NAT1: variants seen among roughly 807,000 people sequenced by gnomAD.
NAT1 encodes N-acetyltransferase 1, also known as arylamine N-acetyltransferase 1.
For missense variants in NAT1, 400 were observed against 339.2 expected (o/e 1.18, Z -1.41); for synonymous variants, 144 against 122.6 (o/e 1.17, Z -1.16).
At chr8:18,194,802 G>C (rs1803166616) in intron 2 of NAT1, among the ~76,000 whole-genome samples, 1 of 144,412 alleles carries the variant, frequency 6.9e-6, no homozygotes, top group Non-Finnish European at 1.5e-5. Context: ...CTGGGCAACA[G>C]AGTGAGACTC....
intron 2 of NAT1, among the ~76,000 whole-genome samples, chr8:18,177,245 C>T (rs559781975): frequency 2.0e-5 from 3 of 152,032 alleles, no homozygotes; most frequent in Admixed American, 6.6e-5. Context: ...CCTCTTTTAC[C>T]TATCCCACTA....
In NAT1 at chr8:18,200,102, G is replaced by C. The variant is rs147898790; in HGVS notation, n.93-9679G>C. Among the ~76,000 whole-genome samples, 73 of 152,318 alleles carry C rather than the reference G, an allele frequency of 4.8e-4. No homozygotes were observed. The East Asian group carries it at 0.013, about 26-fold the overall frequency. On this transcript the variant is annotated intron_variant and non_coding_transcript_variant, in intron 2 of 4. Transcript: ENST00000517441. ...TGATTCACTGCTGGTGGGAATGTAA[G>C]TTAGTTCAGTCACTGTAGAAAACAG...
intron 1 of NAT1, among the ~76,000 whole-genome samples, chr8:18,216,052 G>A (rs1804622757): frequency 5.7e-5 from 1 of 17,698 alleles, no homozygotes; most frequent in South Asian, 3.1e-3. Flanking sequence ...CTTTGGCTCA[G>A]TGAATGTGCT....
At chr8:18,185,993 G>A (rs1431152126) in intron 2 of NAT1, among the ~76,000 whole-genome samples, 1 of 152,156 alleles carries the variant, frequency 6.6e-6, no homozygotes, top group East Asian at 1.9e-4. Flanking sequence ...GTTTAATTGC[G>A]TTGTAGTCAA....
chr8:18,218,748 AG>A (rs1036394846), intron 1 of NAT1, among the ~76,000 whole-genome samples: 2 of 151,994 alleles, frequency 1.3e-5, no homozygotes, highest in African/African-American at 4.8e-5. Context: ...AAAAAGGGGG[AG>A]GCAGGTTTGC....
chr8:18,173,778 T>C (rs1375557498), intron 2 of NAT1, among the ~76,000 whole-genome samples: 1 of 152,174 alleles, frequency 6.6e-6, no homozygotes, highest in Non-Finnish European at 1.5e-5. Context: ...CCCTAATGGG[T>C]GGTTCCTTTT....
At position 18,179,358 on chromosome 8, in the gene NAT1, G is replaced by A. The variant is rs887040964; in HGVS notation, n.92+8619G>A. ...TGAAATAACTGATTTTAGGGAATTG[G>A]TCTAAGGTAGAATTGAAATTTTGGA... On this transcript the variant is annotated intron_variant and non_coding_transcript_variant, in intron 2 of 4. Transcript: ENST00000517441. 9.2e-5 allele frequency among the ~76,000 whole-genome samples: 14 copies of A among 152,134 alleles called. 1 individual carries two copies. In the East Asian group the frequency reaches 1.2e-3, roughly 13 times the overall value.
At chr8:18,199,126 C>T (rs1382870069) in intron 2 of NAT1, among the ~76,000 whole-genome samples, 1 of 151,718 alleles carries the variant, frequency 6.6e-6, no homozygotes. Flanking sequence ...CCAGCCTGAC[C>T]AACATAGTAA....
chr8:18,193,976 G>C (rs1442702606), intron 2 of NAT1, among the ~76,000 whole-genome samples: 3 of 152,092 alleles, frequency 2.0e-5, no homozygotes, highest in African/African-American at 7.2e-5. Flanking sequence ...AATATACACG[G>C]TTGCATGCAT....
intron 1 of NAT1, among the ~76,000 whole-genome samples, chr8:18,215,524 ATCTT>A (rs1402329481): frequency 6.6e-6 from 1 of 152,064 alleles, no homozygotes; most frequent in African/African-American, 2.4e-5. Context: ...AAGGTATGAA[ATCTT>A]TCTTTTCATA....
intron 2 of NAT1, among the ~76,000 whole-genome samples, chr8:18,219,973 G>A (rs1805113207): frequency 6.6e-6 from 1 of 152,174 alleles, no homozygotes; most frequent in South Asian, 2.1e-4. Flanking sequence ...GAGATATAAA[G>A]TAATTTCTTA....
chr8:18,223,003 C>G lies in NAT1; in HGVS notation c.*83C>G, dbSNP rs112473771. ...CGACCTATCATGTATCTTCTGTACCCTTACCTTATTTTGAAGAAAATCCTA... is the reference window on the plus strand; with the variant it reads ...CGACCTATCATGTATCTTCTGTACCGTTACCTTATTTTGAAGAAAATCCTA... On this transcript the variant is annotated 3_prime_UTR_variant, in exon 3 of 3. Coordinates refer to ENST00000307719, the MANE Select transcript of NAT1 (RefSeq NM_000662.8). 21 of 1,131,030 alleles carry G rather than the reference C, an allele frequency of 1.9e-5. No homozygotes were observed. Among genetic ancestry groups the G allele is most frequent in the Middle Eastern group, 3.2e-4 (1 of 3,124 alleles). 70.1% of individuals were successfully genotyped at this position (1,131,030 alleles called of 1,614,324 possible).
At chr8:18,210,409 G>A (rs1050381819) in intron 1 of NAT1, among the ~76,000 whole-genome samples, 1 of 152,196 alleles carries the variant, frequency 6.6e-6, no homozygotes, top group African/African-American at 2.4e-5. Context: ...CCACTTTATA[G>A]CTGTGAGAAC....
At chr8:18,216,328 C>A (rs569610213) in intron 1 of NAT1, among the ~76,000 whole-genome samples, 1 of 152,170 alleles carries the variant, frequency 6.6e-6, no homozygotes, top group Non-Finnish European at 1.5e-5. Flanking sequence ...TAAATATCCT[C>A]TCTCTTTCCA....
At chr8:18,184,764 T>G (rs1369784887) in intron 2 of NAT1, among the ~76,000 whole-genome samples, 1 of 152,180 alleles carries the variant, frequency 6.6e-6, no homozygotes, top group Non-Finnish European at 1.5e-5. Flanking sequence ...AAACAGAGCT[T>G]TCAAGAGTGG....
At chr8:18,171,377 A>G (rs907903161) in intron 2 of NAT1, among the ~76,000 whole-genome samples, 5 of 119,692 alleles carry the variant, frequency 4.2e-5, no homozygotes, top group African/African-American at 1.0e-4. Flanking sequence ...AATTAATCCA[A>G]ATTGCCTCCT....
chr8:18,177,947 G>A (rs1009655086), intron 2 of NAT1, among the ~76,000 whole-genome samples: 5 of 152,046 alleles, frequency 3.3e-5, no homozygotes, highest in Admixed American at 6.6e-5. Context: ...TTGAACACAT[G>A]GGATTAAGAT....
intron 2 of NAT1, among the ~76,000 whole-genome samples, chr8:18,176,542 A>C (rs1802300015): frequency 6.6e-6 from 1 of 151,322 alleles, no homozygotes; most frequent in African/African-American, 2.4e-5. Flanking sequence ...TGGGCATTCT[A>C]TTGTGTTTCA....
At chr8:18,210,407 T>C (rs931889177) in intron 1 of NAT1, among the ~76,000 whole-genome samples, 1 of 152,360 alleles carries the variant, frequency 6.6e-6, no homozygotes. Context: ...AGCCACTTTA[T>C]AGCTGTGAGA....
Sources: gnomAD v4.1 joint callset for allele counts (sites outside exome capture counted in the v4.1 genomes callset) on GRCh38, gnomAD v4.1.1 for gene constraint, MANE v1.5 for transcripts, NCBI Gene and HGNC (gene_info 2026-07-23, HGNC 2026-07-21) for gene names.